The following DDX60 variants were observed in gnomAD, a reference collection of about 807,000 sequenced individuals.
The protein encoded by DDX60 is DExD/H-box helicase 60, also known as probable ATP-dependent RNA helicase DDX60.
In DDX60, 165 loss-of-function variants were observed where a neutral mutation model predicts 212.8. That is an observed-to-expected ratio of 0.78 (90% CI 0.68 to 0.88). The LOEUF (loss-of-function observed/expected upper bound fraction) is 0.88. DDX60 is among the 40% of genes least tolerant of loss of function. The probability of loss-of-function intolerance (pLI) is 0.00; values close to 1 mark genes in which losing one functional copy is unlikely to be tolerated. For missense variants in DDX60, 1,905 were observed against 2,003.9 expected (o/e 0.95, Z 0.94); for synonymous variants, 703 against 685.3 (o/e 1.03, Z -0.40).
chr4:168,230,138 TG>T (rs762417473), intron 33 of DDX60, among the ~76,000 whole-genome samples: 2 of 152,074 alleles, frequency 1.3e-5, no homozygotes, highest in Non-Finnish European at 2.9e-5. Context: ...CACTATATAA[TG>T]ATAAAAGGAC....
At chr4:168,278,093 A>G (rs566773443) in intron 14 of DDX60, among the ~76,000 whole-genome samples, 32 of 152,280 alleles carry the variant, frequency 2.1e-4, no homozygotes, top group African/African-American at 7.7e-4. Flanking sequence ...CAAACTGTAA[A>G]ATAAGTGATG....
chr4:168,309,592 T>G (rs768655016), intron 3 of DDX60, among the ~76,000 whole-genome samples: 5 of 151,962 alleles, frequency 3.3e-5, no homozygotes, highest in Non-Finnish European at 7.4e-5. Context: ...CTAATATGAT[T>G]CAAGAAAAAG....
At chr4:168,279,726 TGA>T (rs1313627165) in intron 14 of DDX60, among the ~76,000 whole-genome samples, 3 of 152,184 alleles carry the variant, frequency 2.0e-5, no homozygotes, top group African/African-American at 4.8e-5. Context: ...AACAACATAT[TGA>T]AGTTCATTAG....
At chr4:168,256,052 T>G (rs1734397339) in intron 25 of DDX60, among the ~76,000 whole-genome samples, 183 bp from the exon 26 acceptor site, 1 of 151,952 alleles carries the variant, frequency 6.6e-6, no homozygotes, top group Non-Finnish European at 1.5e-5. Context: ...TTAACTACCT[T>G]ATAGTAAATA....
At chr4:168,300,914 T>C (rs545680150) in intron 6 of DDX60, among the ~76,000 whole-genome samples, 7 of 152,120 alleles carry the variant, frequency 4.6e-5, no homozygotes, top group African/African-American at 1.7e-4. Flanking sequence ...AAAATTACTA[T>C]ACGGAGGGAA....
At chr4:168,309,923 T>C (rs1737056509) in intron 3 of DDX60, among the ~76,000 whole-genome samples, 1 of 152,180 alleles carries the variant, frequency 6.6e-6, no homozygotes, top group Non-Finnish European at 1.5e-5. Flanking sequence ...TAAAGGCTGT[T>C]GGTTTTATCT....
intron 3 of DDX60, among the ~76,000 whole-genome samples, chr4:168,309,763 T>C (rs189734264): frequency 1.3e-3 from 197 of 152,192 alleles, no homozygotes; most frequent in African/African-American, 3.2e-3. Flanking sequence ...AAGAAAATCA[T>C]TGAGGGGAAA....
intron 6 of DDX60, among the ~76,000 whole-genome samples, chr4:168,297,380 A>AAGAG (rs139457624): frequency 2.3e-5 from 1 of 43,144 alleles, no homozygotes; most frequent in Non-Finnish European, 4.0e-5. Context: ...GAAAGAAAGA[A>AAGAG]AGAGAAAGAA....
At chr4:168,304,106 T>C (rs888831029) in intron 5 of DDX60, among the ~76,000 whole-genome samples, 1 of 152,248 alleles carries the variant, frequency 6.6e-6, no homozygotes. Flanking sequence ...TTTATTATTA[T>C]TTCAGAGTAT....
chr4:168,231,760 C>T (rs1051510123), intron 33 of DDX60, among the ~76,000 whole-genome samples: 1 of 152,006 alleles, frequency 6.6e-6, no homozygotes, highest in Non-Finnish European at 1.5e-5. Flanking sequence ...CAACGTTATA[C>T]TTTACAGGGA....
At chr4:168,316,613 A>C (rs542122039) in intron 1 of DDX60, among the ~76,000 whole-genome samples, 2 of 152,322 alleles carry the variant, frequency 1.3e-5, no homozygotes, top group East Asian at 3.9e-4. Context: ...AGTAGATACA[A>C]GAGTGATTCA....
rs1733627459 is a variant in DDX60, at chr4:168,236,294, T to C, written c.4491A>G (p.Pro1497=). ...LAHLFGRRYF[P]PKFQDAHFEF... is the part of the protein sequence containing the mutation. ...CGAAGTGTGCATCTTGGAACTTTGG[T>C]GGAAAATATCTTCTTCCAAAGAGAT... Residue 1497 remains proline (P), a synonymous_variant, in exon 33 of 38, where the codon CCA becomes CCG. Coordinates refer to ENST00000393743, the MANE Select transcript of DDX60 (RefSeq NM_017631.6). 1 of 1,611,000 alleles carries C rather than the reference T, an allele frequency of 6.2e-7. No homozygotes were observed. The highest frequency in any genetic ancestry group is 8.5e-7 in the Non-Finnish European group (1 of 1,178,334).
chr4:168,310,216 A>G (rs1478638800), intron 3 of DDX60, among the ~76,000 whole-genome samples: 1 of 152,144 alleles, frequency 6.6e-6, no homozygotes, highest in Non-Finnish European at 1.5e-5. Flanking sequence ...GCCCCCAAAC[A>G]AAATGTCTTT....
intron 32 of DDX60, 25 bp downstream of exon 32, chr4:168,237,261 T>C (rs369165821): frequency 6.0e-5 from 88 of 1,470,892 alleles, no homozygotes; most frequent in Non-Finnish European, 5.9e-5. Flanking sequence ...TCTCTCTACA[T>C]ATATATATAA....
intron 35 of DDX60, among the ~76,000 whole-genome samples, chr4:168,222,894 G>C (rs1262966780): frequency 1.3e-5 from 2 of 151,912 alleles, no homozygotes; most frequent in Admixed American, 1.3e-4. Flanking sequence ...CAGATTAACA[G>C]GCTGTTTGAT....
intron 6 of DDX60, among the ~76,000 whole-genome samples, chr4:168,295,110 G>T (rs944158916): frequency 1.3e-5 from 2 of 152,176 alleles, no homozygotes; most frequent in Non-Finnish European, 2.9e-5. Context: ...AGAGAAAAGA[G>T]AACTCTAATA....
intron 30 of DDX60, among the ~76,000 whole-genome samples, chr4:168,238,205 T>G (rs1036168252): frequency 4.1e-4 from 55 of 133,076 alleles, no homozygotes; most frequent in African/African-American, 1.4e-3. Context: ...CATGTATCTT[T>G]CAACTTCCCA....
At chr4:168,224,467 T>C (rs1337460066) in intron 34 of DDX60, 82 bp from the exon 35 acceptor site, 5 of 1,374,736 alleles carry the variant, frequency 3.6e-6, no homozygotes, top group Admixed American at 2.0e-5. Context: ...TAGACCATGT[T>C]ACAAGGGGAG....
intron 9 of DDX60, among the ~76,000 whole-genome samples, chr4:168,287,577 T>C (rs1735915247): frequency 6.6e-6 from 1 of 152,124 alleles, no homozygotes; most frequent in African/African-American, 2.4e-5. Context: ...TAAAGGATTG[T>C]TAAGTTTATA....
Sources: gnomAD v4.1 joint callset for allele counts (sites outside exome capture counted in the v4.1 genomes callset) on GRCh38, gnomAD v4.1.1 for gene constraint, MANE v1.5 for transcripts, NCBI Gene and HGNC (gene_info 2026-07-23, HGNC 2026-07-21) for gene names.